MSR1: variants seen among roughly 807,000 people sequenced by gnomAD.
The protein encoded by MSR1 is macrophage scavenger receptor types I and II.
A neutral mutation model predicts 47.2 loss-of-function variants in MSR1; 53 were observed. That is an observed-to-expected ratio of 1.12 (90% CI 0.90 to 1.41). The LOEUF (loss-of-function observed/expected upper bound fraction) is 1.41. MSR1 is among the 40% of genes most tolerant of loss of function. The probability of loss-of-function intolerance (pLI) is 0.00; values close to 1 mark genes in which losing one functional copy is unlikely to be tolerated. For synonymous variants in MSR1, 239 were observed against 185.6 expected, an observed-to-expected ratio of 1.29 and a Z score of -2.34; for missense variants, 786 against 546.9, an observed-to-expected ratio of 1.44 and a Z score of -4.36.
At chr8:16,182,457 C>T (rs1297309701) in intron 1 of MSR1, among the ~76,000 whole-genome samples, 1 of 152,090 alleles carries the variant, frequency 6.6e-6, no homozygotes, top group Non-Finnish European at 1.5e-5. Context: ...TTTTAAACAA[C>T]ATTTTTACTC....
intron 6 of MSR1, among the ~76,000 whole-genome samples, chr8:16,153,093 G>A (rs550138194): frequency 6.6e-6 from 1 of 152,068 alleles, no homozygotes; most frequent in South Asian, 2.1e-4. Context: ...CAACCACTTA[G>A]GTTTTGCAGA....
intron 1 of MSR1, among the ~76,000 whole-genome samples, chr8:16,179,784 G>C (rs1027197014): frequency 2.2e-5 from 3 of 137,068 alleles, no homozygotes; most frequent in Non-Finnish European, 4.6e-5. Flanking sequence ...GGCTGAGGCA[G>C]TAAAATCGCT....
At chr8:16,139,180 T>C (rs1277977814) in intron 8 of MSR1, 2 of 754,430 alleles carry the variant, frequency 2.7e-6, no homozygotes, top group African/African-American at 3.8e-5. Context: ...GCATCTCTCT[T>C]TTTGCCATGA....
At chr8:16,137,633 T>C (rs1013447565) in intron 8 of MSR1, among the ~76,000 whole-genome samples, 4 of 152,130 alleles carry the variant, frequency 2.6e-5, no homozygotes, top group African/African-American at 9.7e-5. Flanking sequence ...CAGTTTATAA[T>C]TCTAGAAATT....
intron 8 of MSR1, among the ~76,000 whole-genome samples, chr8:16,143,201 G>C (rs1252868859): frequency 6.6e-6 from 1 of 152,124 alleles, no homozygotes; most frequent in South Asian, 2.1e-4. Flanking sequence ...TTATATTTAA[G>C]GTTTCATTTA....
intron 5 of MSR1, among the ~76,000 whole-genome samples, chr8:16,158,108 G>A (rs1801060321): frequency 6.6e-6 from 1 of 151,560 alleles, no homozygotes; most frequent in Non-Finnish European, 1.5e-5. Flanking sequence ...GCTGATACAT[G>A]TCAAAAAAAA....
At chr8:16,164,754 G>T (rs961375802) in intron 4 of MSR1, among the ~76,000 whole-genome samples, 3 of 151,806 alleles carry the variant, frequency 2.0e-5, no homozygotes. Flanking sequence ...CCTCGAACTC[G>T]CATATTAACA....
intron 1 of MSR1, among the ~76,000 whole-genome samples, chr8:16,187,938 G>T (rs1455143293): frequency 2.0e-5 from 3 of 152,134 alleles, no homozygotes; most frequent in Middle Eastern, 3.4e-3. Flanking sequence ...TTTTAGTAAC[G>T]TGAACATACA....
At chr8:16,138,127 A>G (rs1351961015) in intron 8 of MSR1, among the ~76,000 whole-genome samples, 2 of 152,280 alleles carry the variant, frequency 1.3e-5, no homozygotes, top group South Asian at 2.1e-4. Context: ...GAAAAAACAA[A>G]TGGATTTTTC....
At chr8:16,167,923 G>A (rs1048313355) in intron 4 of MSR1, among the ~76,000 whole-genome samples, 2 of 152,108 alleles carry the variant, frequency 1.3e-5, no homozygotes, top group African/African-American at 2.4e-5. Context: ...GATTTTAGAC[G>A]TGACATGGAA....
intron 2 of MSR1, among the ~76,000 whole-genome samples, chr8:16,175,717 G>A (rs1198341272): frequency 1.3e-5 from 2 of 151,970 alleles, no homozygotes; most frequent in Non-Finnish European, 2.9e-5. Context: ...ATCAGATAGG[G>A]CAAATACTTA....
chr8:16,139,256 T>A, intron 8 of MSR1: 1 of 984,204 alleles, frequency 1.0e-6, no homozygotes, highest in South Asian at 4.7e-5. Flanking sequence ...ATTAAAAATG[T>A]CTGCATTATA....
intron 8 of MSR1, among the ~76,000 whole-genome samples, chr8:16,130,153 G>A (rs543494540): frequency 6.8e-4 from 103 of 152,276 alleles, no homozygotes; most frequent in African/African-American, 2.4e-3. Context: ...AGTGCTAACT[G>A]CTGGATCCAT....
At chr8:16,121,384 T>A (rs941201166) in intron 8 of MSR1, among the ~76,000 whole-genome samples, 1 of 152,112 alleles carries the variant, frequency 6.6e-6, no homozygotes, top group South Asian at 2.1e-4. Flanking sequence ...AAAATCTTGA[T>A]CATGCTACAG....
In MSR1 at chr8:16,164,076, G is replaced by C; in HGVS notation, c.806C>G (p.Thr269Ser). 3 of 1,607,228 alleles carry C rather than the reference G, an allele frequency of 1.9e-6. No individual in the cohort carries two copies. Among genetic ancestry groups the C allele is most frequent in the Middle Eastern group, 1.7e-4 (1 of 5,982 alleles). Residue 269 changes from threonine (T) to serine (S), a missense_variant, in exon 5 of 10, where the codon ACT (threonine) becomes AGT (serine). Transcript: ENST00000262101. ...ACAAGACATTTTACCTTGAATTAAA[G>C]TGATATTTCTCAAGGTCTGAGAATG... is the stretch of plus-strand genomic sequence containing the variant. ...WEHSQTLRNI[T>S]LIQGPPGPPG...
At chr8:16,157,443 A>C (rs1179720523) in intron 5 of MSR1, among the ~76,000 whole-genome samples, 1 of 151,436 alleles carries the variant, frequency 6.6e-6, no homozygotes, top group Non-Finnish European at 1.5e-5. Flanking sequence ...TTCGAATCCT[A>C]CAATAAGAAA....
intron 1 of MSR1, among the ~76,000 whole-genome samples, chr8:16,180,473 C>A (rs1393086189): frequency 2.0e-5 from 3 of 152,144 alleles, no homozygotes; most frequent in Non-Finnish European, 4.4e-5. Context: ...TTTTAAGAAC[C>A]TTTTCCATAA....
At chr8:16,167,954 G>A (rs1036732494) in intron 4 of MSR1, among the ~76,000 whole-genome samples, 1 of 152,120 alleles carries the variant, frequency 6.6e-6, no homozygotes, top group African/African-American at 2.4e-5. Flanking sequence ...ATATCAACAT[G>A]TTGGGATGAG....
At chr8:16,113,132 T>G (rs1338088345) in intron 9 of MSR1, among the ~76,000 whole-genome samples, 1 of 151,782 alleles carries the variant, frequency 6.6e-6, no homozygotes, top group African/African-American at 2.4e-5. Flanking sequence ...GTATTTTTAG[T>G]AGAGACGGGG....
Sources: gnomAD v4.1 joint callset for allele counts (sites outside exome capture counted in the v4.1 genomes callset) on GRCh38, gnomAD v4.1.1 for gene constraint, MANE v1.5 for transcripts, NCBI Gene and HGNC (gene_info 2026-07-23, HGNC 2026-07-21) for gene names.